ARHGEF33: variants seen among roughly 807,000 people sequenced by gnomAD.
ARHGEF33 encodes the protein DH and coiled-coil domain-containing protein ENSP00000381780.
A neutral mutation model predicts 101.9 loss-of-function variants in ARHGEF33; 72 were observed. The ratio of observed to expected loss-of-function variants is 0.71; its 90% CI spans 0.58 to 0.86. The LOEUF is 0.86. Among genes scored for constraint, ARHGEF33 ranks in the 40% least tolerant of loss-of-function variants. The pLI, the probability that ARHGEF33 is intolerant of heterozygous loss-of-function variation, is 0.00. For missense variants in ARHGEF33, 1,169 were observed against 1,111.3 expected (o/e 1.05, Z -0.74); for synonymous variants, 499 against 442.5 (o/e 1.13, Z -1.60).
intron 2 of ARHGEF33, among the ~76,000 whole-genome samples, chr2:38,918,206 A>G (rs1478011000): frequency 6.6e-6 from 1 of 152,212 alleles, no homozygotes; most frequent in Non-Finnish European, 1.5e-5. Context: ...TGAAAGCAGA[A>G]CCTTGAATTT....
intron 9 of ARHGEF33, among the ~76,000 whole-genome samples, chr2:38,940,943 G>GGT (rs1667291825): frequency 6.6e-6 from 1 of 152,134 alleles, no homozygotes; most frequent in African/African-American, 2.4e-5. Flanking sequence ...TTGAGTCATG[G>GGT]GTGTAGGTCC....
At chr2:38,926,176 C>T (rs1323448695) in intron 4 of ARHGEF33, among the ~76,000 whole-genome samples, 2 of 152,102 alleles carry the variant, frequency 1.3e-5, no homozygotes, top group African/African-American at 2.4e-5. Flanking sequence ...CCGCCTCCAG[C>T]GGCAGGATGG....
intron 2 of ARHGEF33, among the ~76,000 whole-genome samples, chr2:38,909,022 G>A (rs1257773303): frequency 6.6e-6 from 1 of 152,170 alleles, no homozygotes; most frequent in African/African-American, 2.4e-5. Context: ...TTTGTTGAGA[G>A]TATGTTGAGA....
intron 2 of ARHGEF33, among the ~76,000 whole-genome samples, chr2:38,909,844 G>A (rs951654157): frequency 6.6e-6 from 1 of 150,928 alleles, no homozygotes; most frequent in African/African-American, 2.4e-5. Context: ...GGGTCACACT[G>A]TACTCTTTGT....
Position 38,958,100 on chromosome 2 carries a change from C to T in ARHGEF33, c.1437C>T (p.Ser479=), listed in dbSNP as rs1667815851. ...GTGCCAATGCTGGGCAAGATGCTTC[C>T]CCCACTGCAGGTCCTGAGGCTGTCC... The part of the protein sequence containing the change: ...SQCANAGQDA[S]PTAGPEAVRD... The change falls in exon 15 of 18, where the codon TCC becomes TCT. Residue 479 remains serine (S), a synonymous_variant. Transcript: ENST00000409978. The T allele has an allele frequency of 1.3e-6, 2 of 1,552,138 alleles. No individual in the cohort carries two copies. Among genetic ancestry groups the T allele is most frequent in the East Asian group, 2.4e-5 (1 of 40,918 alleles).
At chr2:38,925,557 G>A (rs1217637111) in intron 4 of ARHGEF33, among the ~76,000 whole-genome samples, 3 of 152,162 alleles carry the variant, frequency 2.0e-5, no homozygotes, top group African/African-American at 7.2e-5. Context: ...GGAATATAGA[G>A]GAGTAGATAT....
chr2:38,929,093 C>T, intron 5 of ARHGEF33, 22 bp downstream of exon 5: 1 of 1,533,408 alleles, frequency 6.5e-7, no homozygotes, highest in Non-Finnish European at 8.8e-7. Flanking sequence ...TTTAATTTCC[C>T]TGCTGACAAG....
At chr2:38,972,832 A>G (rs1668194557) in intron 17 of ARHGEF33, among the ~76,000 whole-genome samples, 1 of 152,188 alleles carries the variant, frequency 6.6e-6, no homozygotes, top group Admixed American at 6.5e-5. Flanking sequence ...GTTGTATAGA[A>G]GCTTTGGACA....
At chr2:38,968,719 G>A (rs889129274) in intron 17 of ARHGEF33, among the ~76,000 whole-genome samples, 1 of 152,166 alleles carries the variant, frequency 6.6e-6, no homozygotes, top group Admixed American at 6.5e-5. Context: ...TTTAAAATCC[G>A]AAGTGTTGTC....
chr2:38,920,771 T>C (rs1666739393), intron 3 of ARHGEF33, among the ~76,000 whole-genome samples: 1 of 152,154 alleles, frequency 6.6e-6, no homozygotes, highest in African/African-American at 2.4e-5. Flanking sequence ...CGAAGTCTAG[T>C]ATTATACATT....
At chr2:38,966,287 C>T in intron 17 of ARHGEF33, 142 bp downstream of exon 17, 1 of 1,131,154 alleles carries the variant, frequency 8.8e-7, no homozygotes, top group Admixed American at 3.0e-5. Flanking sequence ...AGCCACAGTT[C>T]CGGCGGGGTG....
intron 7 of ARHGEF33, among the ~76,000 whole-genome samples, chr2:38,934,700 C>T (rs931413193): frequency 2.0e-5 from 3 of 148,124 alleles, no homozygotes; most frequent in African/African-American, 7.5e-5. Flanking sequence ...ATCTCAGGCA[C>T]TGTTTTAGGT....
chr2:38,940,519 C>G (rs1446312382), intron 9 of ARHGEF33, among the ~76,000 whole-genome samples: 1 of 151,918 alleles, frequency 6.6e-6, no homozygotes, highest in Non-Finnish European at 1.5e-5. Context: ...ACTTTCCAGT[C>G]TTCTTAAGAA....
chr2:38,922,921 T>C (rs1190325451), intron 4 of ARHGEF33, among the ~76,000 whole-genome samples: 1 of 152,110 alleles, frequency 6.6e-6, no homozygotes, highest in Non-Finnish European at 1.5e-5. Context: ...AAAAAACTGG[T>C]CTTCACTCAG....
At chr2:38,900,003 A>C (rs960981142) in intron 2 of ARHGEF33, among the ~76,000 whole-genome samples, 4 of 149,014 alleles carry the variant, frequency 2.7e-5, no homozygotes, top group African/African-American at 9.8e-5. Context: ...CAGCCTGGGC[A>C]AGAAAGTGAG....
At chr2:38,899,317 GC>G (rs1666191517) in intron 2 of ARHGEF33, among the ~76,000 whole-genome samples, 1 of 152,052 alleles carries the variant, frequency 6.6e-6, no homozygotes, top group Non-Finnish European at 1.5e-5. Context: ...AAGTAAAATT[GC>G]TAGTATAAAC....
In ARHGEF33 at chr2:38,913,744, G is replaced by A. The variant is rs147869720; in HGVS notation, c.-85-5619G>A. Among the ~76,000 whole-genome samples the A allele has an allele frequency of 5.9e-3, 903 of 151,842 alleles. 8 individuals carry two copies. Among genetic ancestry groups the A allele is most frequent in the African/African-American group, 0.021 (861 of 41,402 alleles). On this transcript the variant is annotated intron_variant, in intron 2 of 17. Transcript: ENST00000409978. ...TGAACCGAGATCATGCCACTGCACT[G>A]GGGGACAGAGTAAGACTCTGTCTCA...
chr2:38,955,481 C>CTTTTTTTTTTTTT (rs3085350), intron 13 of ARHGEF33, among the ~76,000 whole-genome samples: 4 of 71,186 alleles, frequency 5.6e-5, no homozygotes, highest in Non-Finnish European at 9.4e-5. Context: ...ATTGAAAAGA[C>CTTTTTTTTTTTTT]TTTTTTTTTT....
intron 13 of ARHGEF33, among the ~76,000 whole-genome samples, chr2:38,955,682 A>G (rs911508224): frequency 2.0e-5 from 3 of 148,684 alleles, no homozygotes; most frequent in South Asian, 4.3e-4. Context: ...TTATTTATTT[A>G]TTTTTATTTT....
Sources: allele counts gnomAD v4.1 joint callset (sites outside exome capture counted in the v4.1 genomes callset), GRCh38; gene constraint gnomAD v4.1.1; transcripts MANE v1.5; gene names NCBI Gene and HGNC (gene_info 2026-07-23, HGNC 2026-07-21).